NCOA2: variants seen among roughly 807,000 people sequenced by gnomAD.
NCOA2 encodes class E basic helix-loop-helix protein 75.
A neutral mutation model predicts 145.1 loss-of-function variants in NCOA2; 21 were observed. The ratio of observed to expected loss-of-function variants is 0.14; its 90% CI spans 0.10 to 0.21. NCOA2 has a LOEUF of 0.21. Among genes scored for constraint, NCOA2 ranks in the 10% least tolerant of loss-of-function variants. The pLI is 1.00. For synonymous variants in NCOA2, 619 were observed against 637.5 expected (o/e 0.97, Z 0.44); for missense variants, 1,472 against 1,837.6 (o/e 0.80, Z 3.64).
chr8:70,400,774 A>G (rs758252999), intron 1 of NCOA2, among the ~76,000 whole-genome samples: 10 of 152,230 alleles, frequency 6.6e-5, no homozygotes, highest in Non-Finnish European at 1.3e-4. Flanking sequence ...TGAAAACACT[A>G]TATTACAACA....
At chr8:70,411,400 T>C in the NCOA2 span, among the ~76,000 whole-genome samples, 1 of 152,236 alleles carries the variant, frequency 6.6e-6, no homozygotes, top group African/African-American at 2.4e-5. Flanking sequence ...CTATTAGAAT[T>C]AAATTTAATA....
chr8:70,377,157 C>T (rs1470990234), intron 1 of NCOA2, among the ~76,000 whole-genome samples: 1 of 151,468 alleles, frequency 6.6e-6, no homozygotes, highest in Non-Finnish European at 1.5e-5. Flanking sequence ...TCAAAGCTCC[C>T]TTAATGAGTC....
the NCOA2 span, among the ~76,000 whole-genome samples, chr8:70,419,215 T>C: frequency 1.3e-5 from 2 of 152,168 alleles, no homozygotes; most frequent in African/African-American, 2.4e-5. Context: ...TTTTCATATG[T>C]TAAATTTTAA....
chr8:70,250,392 C>CAAAAAAAA, intron 2 of NCOA2, among the ~76,000 whole-genome samples: 1 of 49,634 alleles, frequency 2.0e-5, no homozygotes, highest in African/African-American at 6.3e-5. Context: ...GACCCTGTCT[C>CAAAAAAAA]AAAAAAAAAA....
intron 1 of NCOA2, among the ~76,000 whole-genome samples, chr8:70,389,712 A>G (rs1586665824): frequency 6.6e-6 from 1 of 152,162 alleles, no homozygotes; most frequent in East Asian, 1.9e-4. Flanking sequence ...CTTGTTGCCC[A>G]GGCTGGAGTG....
At chr8:70,261,745 T>C (rs182144437) in intron 2 of NCOA2, among the ~76,000 whole-genome samples, 1 of 152,102 alleles carries the variant, frequency 6.6e-6, no homozygotes, top group East Asian at 1.9e-4. Flanking sequence ...GACATTTTAC[T>C]GGGAAATGCC....
At chr8:70,131,800 A>C (rs985050079) in intron 16 of NCOA2, 37 bp downstream of exon 16, 6 of 1,559,174 alleles carry the variant, frequency 3.8e-6, no homozygotes, top group Non-Finnish European at 4.3e-6. Flanking sequence ...CGCCCATGAG[A>C]GCGCTTGGCC....
intron 2 of NCOA2, among the ~76,000 whole-genome samples, chr8:70,265,959 G>A (rs1824546258): frequency 1.3e-5 from 2 of 151,920 alleles, no homozygotes; most frequent in African/African-American, 4.8e-5. Context: ...CCAATATGGT[G>A]TAACCCCGTC....
rs558510729 is a variant in NCOA2 at position 70,387,375 on chromosome 8, T to A, written c.-77+16325A>T. On this transcript the variant is annotated intron_variant, in intron 1 of 22. Transcript: ENST00000452400. ...TCTAAATGTCTGTCTAAAATCCCTT[T>A]AGATATAGTTTAAGAATGCTCTCTT... Among the ~76,000 whole-genome samples, 4 of 152,354 alleles carry A rather than the reference T, an allele frequency of 2.6e-5. No homozygotes were observed. In the South Asian group the frequency reaches 8.3e-4, roughly 32 times the overall value.
chr8:70,147,484 C>T (rs1811233044), intron 12 of NCOA2, among the ~76,000 whole-genome samples: 1 of 152,126 alleles, frequency 6.6e-6, no homozygotes, highest in African/African-American at 2.4e-5. Context: ...CAATTTAATG[C>T]TGAAGAGGTT....
chr8:70,332,322 G>A (rs1373846215), intron 1 of NCOA2, among the ~76,000 whole-genome samples: 2 of 152,120 alleles, frequency 1.3e-5, no homozygotes, highest in Non-Finnish European at 2.9e-5. Context: ...GGCTACATTT[G>A]TAAGCAGGTT....
intron 4 of NCOA2, among the ~76,000 whole-genome samples, chr8:70,208,909 A>G (rs1818740015): frequency 6.6e-6 from 1 of 152,270 alleles, no homozygotes; most frequent in Non-Finnish European, 1.5e-5. Flanking sequence ...CTAACACAGT[A>G]TCTATGCTAT....
chr8:70,277,643 A>C (rs1314784709), intron 2 of NCOA2, among the ~76,000 whole-genome samples: 1 of 152,210 alleles, frequency 6.6e-6, no homozygotes, highest in African/African-American at 2.4e-5. Context: ...ATGTTCCCAC[A>C]AATGCTATTT....
At chr8:70,330,597 C>CA (rs960620370) in intron 1 of NCOA2, among the ~76,000 whole-genome samples, 19 of 145,402 alleles carry the variant, frequency 1.3e-4, no homozygotes, top group Non-Finnish European at 2.7e-4. Flanking sequence ...AAAAAACAAA[C>CA]AAAAAAAAGA....
chr8:70,159,681 C>T (rs1006899467), intron 9 of NCOA2, 29 bp from the exon 10 acceptor site: 4 of 1,575,552 alleles, frequency 2.5e-6, no homozygotes, highest in Middle Eastern at 1.7e-4. Flanking sequence ...ACAGAAGGCA[C>T]GTTTAGAAAA....
At chr8:70,216,798 A>C in intron 2 of NCOA2, 34 bp from the exon 3 acceptor site, 1 of 1,329,336 alleles carries the variant, frequency 7.5e-7, no homozygotes, top group South Asian at 1.2e-5. Context: ...GAAGAAAAAA[A>C]TGAAGAGAGC....
At chr8:70,295,770 C>T (rs759457330) in intron 2 of NCOA2, among the ~76,000 whole-genome samples, 1 of 151,906 alleles carries the variant, frequency 6.6e-6, no homozygotes. Flanking sequence ...GGTGAAACCC[C>T]GTCTCTATTA....
chr8:70,435,472 G>A, the NCOA2 span, among the ~76,000 whole-genome samples: 10 of 141,932 alleles, frequency 7.0e-5, no homozygotes, highest in African/African-American at 2.7e-4. Context: ...ACTCTGGAGA[G>A]TCACACTGCC....
intron 4 of NCOA2, among the ~76,000 whole-genome samples, chr8:70,200,008 T>TC: frequency 6.6e-6 from 1 of 152,254 alleles, no homozygotes; most frequent in African/African-American, 2.4e-5. Flanking sequence ...CTTTTCTTTT[T>TC]CCCCCCTTGT....
Sources: allele counts gnomAD v4.1 joint callset (sites outside exome capture counted in the v4.1 genomes callset), GRCh38; gene constraint gnomAD v4.1.1; transcripts MANE v1.5; gene names NCBI Gene and HGNC (gene_info 2026-07-23, HGNC 2026-07-21).